Variants in PLXNA4 observed in about 807,000 individuals in gnomAD.
PLXNA4 encodes plexin A4, also known as plexin-A4.
PLXNA4 carries 44 observed loss-of-function variants against 191.8 expected under a neutral mutation model. That is an observed-to-expected ratio of 0.23 (90% CI 0.18 to 0.29). The LOEUF (loss-of-function observed/expected upper bound fraction) is 0.29, where lower values mean the gene tolerates loss of function less well. PLXNA4 is among the 10% of genes least tolerant of loss of function. PLXNA4 has a pLI of 1.00. For synonymous variants in PLXNA4, 1,082 were observed against 1,009.5 expected (o/e 1.07, Z -1.36); for missense variants, 1,800 against 2,488.8 (o/e 0.72, Z 5.89).
intron 13 of PLXNA4, among the ~76,000 whole-genome samples, chr7:132,198,270 C>A (rs1368689987): frequency 6.6e-6 from 1 of 152,230 alleles, no homozygotes; most frequent in Non-Finnish European, 1.5e-5. Flanking sequence ...AGCTATTTCT[C>A]CTTTCCCTCT....
chr7:132,198,567 C>G lies in PLXNA4; in HGVS notation c.2656G>C (p.Glu886Gln). ...ACATGGGAGGCGATGTCGCGAAATTCCAGGCCCAGGTTCTCCCCTCGGATA... is the reference window on the plus strand; with the variant it reads ...ACATGGGAGGCGATGTCGCGAAATTGCAGGCCCAGGTTCTCCCCTCGGATA... Reference protein sequence around the residue: ...VTIRGENLGLEFRDIASHVKV... With the variant: ...VTIRGENLGLQFRDIASHVKV... Residue 886 changes from glutamate (E) to glutamine (Q), a missense_variant, in exon 13 of 32, where the codon GAA becomes CAA. Around this residue, in one of 6 missense-constraint regions of PLXNA4, gnomAD observed 1,397 missense variants for 1,880.4 expected, o/e 0.74. Transcript: ENST00000321063. 9 of 1,614,232 alleles carry G rather than the reference C, an allele frequency of 5.6e-6. No individual in the cohort carries two copies. The highest frequency in any genetic ancestry group is 7.6e-6 in the Non-Finnish European group (9 of 1,180,048).
At chr7:132,238,879 A>G (rs556991387) in intron 5 of PLXNA4, among the ~76,000 whole-genome samples, 22 of 152,026 alleles carry the variant, frequency 1.4e-4, no homozygotes, top group East Asian at 3.9e-4. Flanking sequence ...GCCCCACCCT[A>G]CACTACATTT....
chr7:132,418,744 G>T (rs1794747334), intron 3 of PLXNA4, among the ~76,000 whole-genome samples: 2 of 152,192 alleles, frequency 1.3e-5, no homozygotes, highest in Admixed American at 1.3e-4. Flanking sequence ...ACGAGCAGAA[G>T]GGTGGAGCAG....
intron 3 of PLXNA4, among the ~76,000 whole-genome samples, chr7:132,480,203 G>T (rs1033480288): frequency 1.3e-5 from 2 of 152,208 alleles, no homozygotes; most frequent in African/African-American, 4.8e-5. Flanking sequence ...AGAGCGACAG[G>T]AAGGAAAAGG....
chr7:132,621,074 A>C (rs1803251477), intron 2 of PLXNA4, among the ~76,000 whole-genome samples: 2 of 152,120 alleles, frequency 1.3e-5, no homozygotes, highest in Non-Finnish European at 2.9e-5. Context: ...CAAAGGCCCT[A>C]CCAACAAATA....
chr7:132,199,044 C>T (rs542582727), intron 12 of PLXNA4, among the ~76,000 whole-genome samples: 20 of 152,220 alleles, frequency 1.3e-4, no homozygotes, highest in Non-Finnish European at 2.9e-4. Context: ...ACCCTACCCA[C>T]CTCTCAAGAT....
chr7:132,198,425 C>T (rs1003304568), intron 13 of PLXNA4, 60 bp downstream of exon 13: 2 of 1,579,954 alleles, frequency 1.3e-6, no homozygotes, highest in Non-Finnish European at 1.7e-6. Context: ...CCAGGACATC[C>T]CTAATACTAA....
chr7:132,477,594 T>TAC (rs1797181715), intron 3 of PLXNA4, among the ~76,000 whole-genome samples: 1 of 152,186 alleles, frequency 6.6e-6, no homozygotes, highest in Non-Finnish European at 1.5e-5. Context: ...AGCTAGCTGA[T>TAC]ACACACACAC....
chr7:132,427,093 T>C (rs983041838), intron 3 of PLXNA4, among the ~76,000 whole-genome samples: 3 of 152,180 alleles, frequency 2.0e-5, no homozygotes, highest in Non-Finnish European at 4.4e-5. Flanking sequence ...TTAAAAGTGG[T>C]GGGAGACTTG....
At chr7:132,318,415 G>A (rs553293687) in intron 3 of PLXNA4, among the ~76,000 whole-genome samples, 2 of 152,322 alleles carry the variant, frequency 1.3e-5, no homozygotes, top group East Asian at 3.9e-4. Context: ...GGACACTTGA[G>A]AGCGCTAAGC....
intron 20 of PLXNA4, among the ~76,000 whole-genome samples, chr7:132,175,268 T>C (rs1372721899): frequency 6.6e-6 from 1 of 151,898 alleles, no homozygotes; most frequent in Non-Finnish European, 1.5e-5. Context: ...CAAAATATGC[T>C]GGGGAGGGGG....
At chr7:132,392,961 G>C (rs989001815) in intron 3 of PLXNA4, among the ~76,000 whole-genome samples, 1 of 152,112 alleles carries the variant, frequency 6.6e-6, no homozygotes. Context: ...GACCTCCTCC[G>C]GTTGGCACGA....
At chr7:132,318,366 G>A (rs1011548535) in intron 3 of PLXNA4, among the ~76,000 whole-genome samples, 1 of 152,184 alleles carries the variant, frequency 6.6e-6, no homozygotes, top group East Asian at 1.9e-4. Context: ...CCAGAGTGTC[G>A]AGGAAAGGAG....
chr7:132,151,577 A>AAGGAGGAGGAGGAGAAAGG (rs58646377), intron 25 of PLXNA4, among the ~76,000 whole-genome samples: 1,058 of 33,608 alleles, frequency 0.031, 213 homozygotes, highest in African/African-American at 0.062. Flanking sequence ...GAGGAGGAGA[A>AAGGAGGAGGAGGAGAAAGG]AGGAGGAGGA....
chr7:132,324,753 G>A (rs1181778652), intron 3 of PLXNA4, among the ~76,000 whole-genome samples: 6 of 152,160 alleles, frequency 3.9e-5, no homozygotes, highest in African/African-American at 9.7e-5. Flanking sequence ...GAATGGGAGC[G>A]ATGCCTGAGG....
chr7:132,181,350 C>A (rs754070103), intron 18 of PLXNA4, 31 bp downstream of exon 18: 1 of 1,612,134 alleles, frequency 6.2e-7, no homozygotes, highest in South Asian at 1.1e-5. Context: ...CCTTCTTTTC[C>A]CACCCCCGCC....
At chr7:132,173,726 T>C (rs965222637) in intron 21 of PLXNA4, among the ~76,000 whole-genome samples, 32 of 152,114 alleles carry the variant, frequency 2.1e-4, no homozygotes, top group African/African-American at 7.7e-4. Context: ...AGCTCCCGAG[T>C]GATGGGTCTG....
intron 1 of PLXNA4, among the ~76,000 whole-genome samples, chr7:132,522,470 T>C (rs1799227703): frequency 6.6e-6 from 1 of 152,210 alleles, no homozygotes; most frequent in African/African-American, 2.4e-5. Context: ...AATACTTTCC[T>C]AATAAACTCC....
intron 1 of PLXNA4, among the ~76,000 whole-genome samples, chr7:132,534,106 A>G (rs1799735852): frequency 6.6e-6 from 1 of 152,184 alleles, no homozygotes; most frequent in South Asian, 2.1e-4. Flanking sequence ...AGGCCAGTGA[A>G]GAAGAAGCCG....
Sources: gnomAD v4.1 joint callset for allele counts (sites outside exome capture counted in the v4.1 genomes callset) on GRCh38, gnomAD v4.1.1 for gene constraint, gnomAD v4.1.1 regional missense constraint, MANE v1.5 for transcripts, NCBI Gene and HGNC (gene_info 2026-07-23, HGNC 2026-07-21) for gene names.